Variants in CCDC6 observed in about 807,000 individuals in gnomAD.
CCDC6 encodes the protein coiled-coil domain-containing protein 6.
A neutral mutation model predicts 56.6 loss-of-function variants in CCDC6; 20 were observed. The observed-to-expected ratio is 0.35, with a 90% CI of 0.25 to 0.51. The LOEUF is 0.51. Among genes scored for constraint, CCDC6 ranks in the 20% least tolerant of loss-of-function variants. The pLI, the probability that CCDC6 is intolerant of heterozygous loss-of-function variation, is 0.95. For synonymous variants in CCDC6, 241 were observed against 234.4 expected, an observed-to-expected ratio of 1.03 and a Z score of -0.26; for missense variants, 367 against 601.1, an observed-to-expected ratio of 0.61 and a Z score of 4.07.
At chr10:59,851,634 ATTT>A (rs1204782416) in intron 2 of CCDC6, among the ~76,000 whole-genome samples, 4 of 152,156 alleles carry the variant, frequency 2.6e-5, no homozygotes, top group Admixed American at 2.6e-4. Context: ...ACTTAGGAAG[ATTT>A]TTTAAAAAGC....
chr10:59,852,720 AGG>A lies in CCDC6; in HGVS notation c.304-20_304-19del. ...CTGGCTTGCTGTTTAAAAAAAAAAA[AGG>A]AAAGAACAAAACAAAACACATGTTA... On this transcript the variant is annotated intron_variant, in intron 1 of 8. Coordinates refer to ENST00000263102, the MANE Select transcript of CCDC6 (RefSeq NM_005436.5). 1.4e-6 allele frequency: 2 copies of A among 1,448,428 alleles called. No individual in the cohort carries two copies. The highest frequency in any genetic ancestry group is 2.4e-5 in the East Asian group (1 of 40,942). 89.7% of individuals were successfully genotyped at this position (1,448,428 alleles called of 1,614,324 possible).
chr10:59,825,416 C>CAT (rs2070780314), intron 3 of CCDC6, among the ~76,000 whole-genome samples: 1 of 152,222 alleles, frequency 6.6e-6, no homozygotes, highest in Non-Finnish European at 1.5e-5. Flanking sequence ...CCTTCCCCAG[C>CAT]TCCAAGGAAC....
intron 1 of CCDC6, among the ~76,000 whole-genome samples, chr10:59,873,628 C>T (rs1235658259): frequency 5.3e-5 from 8 of 152,026 alleles, no homozygotes; most frequent in Non-Finnish European, 1.0e-4. Context: ...CTCCCACCAC[C>T]AAAAAAACCT....
chr10:59,901,060 A>C (rs533637587), intron 1 of CCDC6, among the ~76,000 whole-genome samples: 16 of 152,306 alleles, frequency 1.1e-4, no homozygotes, highest in East Asian at 3.9e-4. Flanking sequence ...CACACACACA[A>C]AAAAAACAAA....
At chr10:59,847,220 T>G (rs948787771) in intron 2 of CCDC6, among the ~76,000 whole-genome samples, 21 of 152,120 alleles carry the variant, frequency 1.4e-4, no homozygotes, top group African/African-American at 4.8e-4. Context: ...GCCGGGCTGA[T>G]TTTTTTGTAT....
At chr10:59,854,939 A>G (rs1331187046) in intron 1 of CCDC6, among the ~76,000 whole-genome samples, 1 of 152,226 alleles carries the variant, frequency 6.6e-6, no homozygotes, top group Non-Finnish European at 1.5e-5. Flanking sequence ...TTGGCATTCA[A>G]AAGGGTGTTT....
chr10:59,868,036 C>T (rs2071191957), intron 1 of CCDC6, among the ~76,000 whole-genome samples: 1 of 152,206 alleles, frequency 6.6e-6, no homozygotes, highest in African/African-American at 2.4e-5. Flanking sequence ...ATCAGGACCT[C>T]CTGAAGCTTT....
chr10:59,827,940 C>T (rs146645126), intron 3 of CCDC6, among the ~76,000 whole-genome samples: 3 of 152,246 alleles, frequency 2.0e-5, no homozygotes, highest in South Asian at 2.1e-4. Flanking sequence ...CTAAAACCCA[C>T]GTACCGTATG....
In CCDC6 at chr10:59,791,711, T is replaced by C; in HGVS notation, c.*1206A>G. Reference sequence around the variant, plus strand: ...AACAGCAACTGCTGAAAAACAAAAATTAAGATGTTGCACGTGTTAAGAAAA... The same window carrying C: ...AACAGCAACTGCTGAAAAACAAAAACTAAGATGTTGCACGTGTTAAGAAAA... On this transcript the variant is annotated 3_prime_UTR_variant, in exon 9 of 9. Coordinates refer to ENST00000263102, the MANE Select transcript of CCDC6 (RefSeq NM_005436.5). 4.7e-6 allele frequency: 1 copy of C among 212,024 alleles called. No individual in the cohort carries two copies. The highest frequency in any genetic ancestry group is 7.1e-5 in the East Asian group (1 of 14,022). 13.1% of individuals were successfully genotyped at this position (212,024 alleles called of 1,614,324 possible). A position where few individuals can be genotyped will look rare whatever the true frequency, so the allele number is the denominator to read the frequency against.
chr10:59,840,393 A>G (rs573392592), intron 2 of CCDC6, among the ~76,000 whole-genome samples: 11 of 152,228 alleles, frequency 7.2e-5, no homozygotes, highest in African/African-American at 2.6e-4. Context: ...ACTGATTTAT[A>G]GTTCTTTGTC....
chr10:59,808,984 G>A (rs1217691589), intron 5 of CCDC6, among the ~76,000 whole-genome samples: 4 of 152,108 alleles, frequency 2.6e-5, no homozygotes, highest in East Asian at 1.9e-4. Flanking sequence ...CAGAAACCCC[G>A]CTGTCTAATC....
intron 2 of CCDC6, among the ~76,000 whole-genome samples, chr10:59,837,606 C>A (rs1043106408): frequency 6.6e-6 from 1 of 151,844 alleles, no homozygotes; most frequent in African/African-American, 2.4e-5. Context: ...ATTAGCCAGG[C>A]GTGGTGGCAT....
At chr10:59,799,711 G>A (rs576456623) in intron 7 of CCDC6, among the ~76,000 whole-genome samples, 1 of 152,302 alleles carries the variant, frequency 6.6e-6, no homozygotes, top group African/African-American at 2.4e-5. Context: ...TGCTCCCAGT[G>A]CCAATCAGCA....
chr10:59,818,758 T>C (rs1412459296), intron 3 of CCDC6, among the ~76,000 whole-genome samples: 2 of 152,014 alleles, frequency 1.3e-5, no homozygotes, highest in Non-Finnish European at 2.9e-5. Flanking sequence ...ACCCTTGATC[T>C]GAACTGGAAT....
At chr10:59,865,852 CAAAAAAAA>C (rs777021321) in intron 1 of CCDC6, among the ~76,000 whole-genome samples, 1 of 57,060 alleles carries the variant, frequency 1.8e-5, no homozygotes, top group African/African-American at 7.3e-5. Context: ...TCCATCTCCA[CAAAAAAAA>C]AAAAAAAAAA....
At chr10:59,806,839 C>T (rs1049649986) in intron 6 of CCDC6, 83 bp downstream of exon 6, 11 of 1,363,004 alleles carry the variant, frequency 8.1e-6, no homozygotes, top group Middle Eastern at 1.9e-4. Context: ...CCTTATACAC[C>T]TAACAGGATA....
At chr10:59,851,131 G>GAAAAAAAAAAAAAAAAAAAAA (rs372606692) in intron 2 of CCDC6, among the ~76,000 whole-genome samples, 1 of 46,724 alleles carries the variant, frequency 2.1e-5, no homozygotes, top group Non-Finnish European at 3.9e-5. Flanking sequence ...CATGTAAATT[G>GAAAAAAAAAAAAAAAAAAAAA]AAAAAAAAAA....
intron 1 of CCDC6, among the ~76,000 whole-genome samples, chr10:59,853,905 C>T (rs2071059305): frequency 6.6e-6 from 1 of 152,186 alleles, no homozygotes; most frequent in Admixed American, 6.5e-5. Context: ...TATTATTATT[C>T]TGTCTAAACG....
chr10:59,840,324 A>T (rs999803767), intron 2 of CCDC6, among the ~76,000 whole-genome samples: 5 of 152,206 alleles, frequency 3.3e-5, no homozygotes, highest in African/African-American at 7.2e-5. Flanking sequence ...GTACATAAGA[A>T]TTTATTAGTA....
Sources: allele counts gnomAD v4.1 joint callset (sites outside exome capture counted in the v4.1 genomes callset), GRCh38; gene constraint gnomAD v4.1.1; transcripts MANE v1.5; gene names NCBI Gene and HGNC (gene_info 2026-07-23, HGNC 2026-07-21).